Variants in SEMA3D observed in about 807,000 individuals in gnomAD.
The protein encoded by SEMA3D is semaphorin 3D, also known as semaphorin-3D.
Under a neutral mutation model 100.1 loss-of-function variants are expected in SEMA3D, and 84 were observed. That is an observed-to-expected ratio of 0.84 (90% CI 0.70 to 1.01). The LOEUF (loss-of-function observed/expected upper bound fraction) is 1.01, where lower values mean the gene tolerates loss of function less well. SEMA3D is among the 50% of genes least tolerant of loss of function. The pLI, the probability that SEMA3D is intolerant of heterozygous loss-of-function variation, is 0.00. For missense variants in SEMA3D, 875 were observed against 934.1 expected, an observed-to-expected ratio of 0.94 and a Z score of 0.82; for synonymous variants, 312 against 320.7, an observed-to-expected ratio of 0.97 and a Z score of 0.29.
chr7:85,124,515 A>AC (rs199680571), intron 2 of SEMA3D, among the ~76,000 whole-genome samples: 41,570 of 151,760 alleles, frequency 0.27, 5,934 homozygotes, highest in East Asian at 0.38. Context: ...GGTTGATTAT[A>AC]CACAATAAAG....
At chr7:85,156,393 C>T (rs911307841) in intron 1 of SEMA3D, among the ~76,000 whole-genome samples, 3 of 152,160 alleles carry the variant, frequency 2.0e-5, no homozygotes, top group African/African-American at 7.2e-5. Context: ...AGCCACCACA[C>T]CTGGCCACAA....
At chr7:85,049,361 T>C (rs764154247) in intron 9 of SEMA3D, among the ~76,000 whole-genome samples, 1 of 151,748 alleles carries the variant, frequency 6.6e-6, no homozygotes, top group African/African-American at 2.4e-5. Context: ...TTCTAACTAC[T>C]TCAGAAACTC....
At chr7:85,208,470 CTTTAA>C in the SEMA3D span, among the ~76,000 whole-genome samples, 10 of 152,042 alleles carry the variant, frequency 6.6e-5, no homozygotes, top group East Asian at 1.7e-3. Flanking sequence ...ATTTTAAATA[CTTTAA>C]TTTTTTTCTT....
intron 1 of SEMA3D, among the ~76,000 whole-genome samples, chr7:85,169,883 A>G (rs921371774): frequency 6.6e-6 from 1 of 151,704 alleles, no homozygotes; most frequent in African/African-American, 2.4e-5. Flanking sequence ...ATTGCTAGTG[A>G]GACAAAGTGT....
chr7:85,246,436 C>T, the SEMA3D span, among the ~76,000 whole-genome samples: 2 of 151,884 alleles, frequency 1.3e-5, no homozygotes. Flanking sequence ...TTCTGTGGAG[C>T]TGTGAATCAT....
At chr7:85,073,749 C>T (rs956123439) in intron 5 of SEMA3D, among the ~76,000 whole-genome samples, 1 of 152,148 alleles carries the variant, frequency 6.6e-6, no homozygotes, top group Admixed American at 6.6e-5. Flanking sequence ...CACTTATTGC[C>T]ATTTATTTTC....
chr7:85,071,320 T>G (rs1019492268), intron 6 of SEMA3D, among the ~76,000 whole-genome samples: 37 of 152,232 alleles, frequency 2.4e-4, no homozygotes, highest in Non-Finnish European at 5.0e-4. Context: ...CTGTCAGGGT[T>G]GCTTTATTTT....
chr7:85,093,319 C>G (rs1038085827), intron 4 of SEMA3D, among the ~76,000 whole-genome samples: 2 of 151,840 alleles, frequency 1.3e-5, no homozygotes, highest in Non-Finnish European at 2.9e-5. Context: ...ATATTTCTGG[C>G]CAACGAGATG....
At chr7:85,053,450 A>T (rs1301607410) in intron 9 of SEMA3D, among the ~76,000 whole-genome samples, 1 of 151,982 alleles carries the variant, frequency 6.6e-6, no homozygotes, top group Non-Finnish European at 1.5e-5. Flanking sequence ...AATCTTTTTT[A>T]TGTGAAAATA....
intron 5 of SEMA3D, among the ~76,000 whole-genome samples, chr7:85,079,978 A>T (rs1425570731): frequency 6.6e-6 from 1 of 152,214 alleles, no homozygotes; most frequent in African/African-American, 2.4e-5. Flanking sequence ...GGAGAAGAAT[A>T]CATTACAGAA....
intron 1 of SEMA3D, among the ~76,000 whole-genome samples, chr7:85,174,914 T>G (rs577092163): frequency 2.6e-5 from 4 of 152,154 alleles, no homozygotes; most frequent in Non-Finnish European, 4.4e-5. Flanking sequence ...TTTGCTCTGC[T>G]TATCAATTTA....
chr7:85,030,620 A>T (rs1790521683), intron 12 of SEMA3D, among the ~76,000 whole-genome samples: 1 of 152,040 alleles, frequency 6.6e-6, no homozygotes, highest in African/African-American at 2.4e-5. Context: ...CTTTTTGATA[A>T]GGGAATGGTT....
the SEMA3D span, among the ~76,000 whole-genome samples, chr7:85,196,184 C>A: frequency 1.3e-5 from 2 of 152,054 alleles, no homozygotes; most frequent in Admixed American, 1.3e-4. Flanking sequence ...CATGCATTAA[C>A]GTTTTGAATG....
chr7:85,170,568 T>A (rs1791057501), intron 1 of SEMA3D, among the ~76,000 whole-genome samples: 1 of 151,988 alleles, frequency 6.6e-6, no homozygotes, highest in Non-Finnish European at 1.5e-5. Context: ...ACCATGTGAA[T>A]ATCAGGCAGT....
At chr7:85,083,567 G>A (rs570024205) in intron 4 of SEMA3D, among the ~76,000 whole-genome samples, 8 of 152,258 alleles carry the variant, frequency 5.3e-5, no homozygotes, top group South Asian at 2.1e-4. Context: ...TGCATCGGCC[G>A]GGCGCGGTGG....
At chr7:85,041,130 C>G (rs995213265) in intron 10 of SEMA3D, 1 of 158,134 alleles carries the variant, frequency 6.3e-6, no homozygotes, top group East Asian at 1.9e-4. Context: ...CAATCTCTGC[C>G]CACTGCAACC....
chr7:85,208,751 G>A, the SEMA3D span, among the ~76,000 whole-genome samples: 1 of 152,170 alleles, frequency 6.6e-6, no homozygotes, highest in African/African-American at 2.4e-5. Context: ...GGGTGGCAAA[G>A]ACAGTAGGTA....
chr7:85,167,428 G>T (rs1329187480), intron 1 of SEMA3D: 3 of 973,588 alleles, frequency 3.1e-6, no homozygotes, highest in African/African-American at 1.8e-5. Flanking sequence ...ACCTTTGAAT[G>T]ATATAATTTA....
At chr7:85,245,641 A>G in the SEMA3D span, among the ~76,000 whole-genome samples, 2 of 152,172 alleles carry the variant, frequency 1.3e-5, no homozygotes, top group Admixed American at 1.3e-4. Context: ...GCTTAAATGA[A>G]CTAGAACTAA....
Sources: gnomAD v4.1 joint callset for allele counts (sites outside exome capture counted in the v4.1 genomes callset) on GRCh38, gnomAD v4.1.1 for gene constraint, MANE v1.5 for transcripts, NCBI Gene and HGNC (gene_info 2026-07-23, HGNC 2026-07-21) for gene names.